The following ALK variants were observed in gnomAD, a reference collection of about 807,000 sequenced individuals.
ALK encodes ALK receptor tyrosine kinase, also known as ALK tyrosine kinase receptor.
Under a neutral mutation model 163.1 loss-of-function variants are expected in ALK, and 74 were observed. The observed-to-expected ratio is 0.45, with a 90% confidence interval of 0.38 to 0.55. The LOEUF (loss-of-function observed/expected upper bound fraction) is 0.55. Among genes scored for constraint, ALK ranks in the 20% least tolerant of loss-of-function variants. ALK has a pLI of 0.00. For synonymous variants in ALK, 960 were observed against 843.2 expected (o/e 1.14, Z -2.40); for missense variants, 2,063 against 2,105.3 (o/e 0.98, Z 0.39).
At chr2:29,331,719 C>T (rs373760717) in intron 5 of ALK, among the ~76,000 whole-genome samples, 107 of 152,104 alleles carry the variant, frequency 7.0e-4, no homozygotes, top group Non-Finnish European at 1.2e-3. Flanking sequence ...GTCGAGAGCA[C>T]CCCAGAAGCA....
intron 3 of ALK, among the ~76,000 whole-genome samples, chr2:29,589,295 C>T (rs921426345): frequency 6.6e-6 from 1 of 152,136 alleles, no homozygotes; most frequent in Non-Finnish European, 1.5e-5. Flanking sequence ...TGCAAGATGA[C>T]TAACAGGTGA....
intron 4 of ALK, among the ~76,000 whole-genome samples, chr2:29,390,263 G>T (rs149820574): frequency 3.3e-5 from 5 of 152,084 alleles, no homozygotes; most frequent in Non-Finnish European, 7.4e-5. Context: ...GGTCATGAGC[G>T]CCAAGTCATT....
intron 4 of ALK, among the ~76,000 whole-genome samples, chr2:29,447,388 G>C (rs1430595869): frequency 2.0e-5 from 3 of 152,204 alleles, no homozygotes; most frequent in East Asian, 1.9e-4. Context: ...CGCAGAACAG[G>C]CCTACTGGCA....
intron 8 of ALK, among the ~76,000 whole-genome samples, chr2:29,297,513 T>C (rs1179226931): frequency 6.6e-6 from 1 of 152,228 alleles, no homozygotes; most frequent in Non-Finnish European, 1.5e-5. Flanking sequence ...TTTTTCTCTC[T>C]TCCCCAAAGA....
intron 3 of ALK, among the ~76,000 whole-genome samples, chr2:29,591,368 A>G (rs1675053081): frequency 6.6e-6 from 1 of 152,200 alleles, no homozygotes; most frequent in African/African-American, 2.4e-5. Context: ...CTTAAAGACT[A>G]CTTGGCTTTT....
intron 3 of ALK, among the ~76,000 whole-genome samples, chr2:29,582,204 CAG>C (rs1371786148): frequency 3.9e-5 from 6 of 152,186 alleles, no homozygotes; most frequent in African/African-American, 1.4e-4. Context: ...GTGACAGAAA[CAG>C]AGCACCATGC....
intron 3 of ALK, among the ~76,000 whole-genome samples, chr2:29,692,037 G>T (rs1678414647): frequency 6.6e-6 from 1 of 152,170 alleles, no homozygotes; most frequent in Non-Finnish European, 1.5e-5. Flanking sequence ...CCTAGGGGTG[G>T]CTGAATGGGA....
intron 4 of ALK, among the ~76,000 whole-genome samples, chr2:29,428,312 C>T (rs1204562854): frequency 1.3e-5 from 2 of 151,750 alleles, no homozygotes; most frequent in Non-Finnish European, 2.9e-5. Context: ...TAGAGAAAAT[C>T]AATAAAACTT....
intron 23 of ALK, 47 bp from the exon 24 acceptor site, chr2:29,214,128 G>C: frequency 1.3e-6 from 2 of 1,525,662 alleles, no homozygotes; most frequent in Non-Finnish European, 1.8e-6. Flanking sequence ...TTGTCAGTGA[G>C]AGGAGGGAAA....
At chr2:29,268,482 C>G (rs1001054199) in intron 11 of ALK, among the ~76,000 whole-genome samples, 1 of 152,126 alleles carries the variant, frequency 6.6e-6, no homozygotes, top group Non-Finnish European at 1.5e-5. Flanking sequence ...TTCAAGAGAA[C>G]ACTTTGGCTC....
At chr2:29,409,504 A>C (rs1198399611) in intron 4 of ALK, among the ~76,000 whole-genome samples, 1 of 152,062 alleles carries the variant, frequency 6.6e-6, no homozygotes, top group Non-Finnish European at 1.5e-5. Flanking sequence ...AGCCCCCTTC[A>C]ATCCATCAGC....
At chr2:29,355,466 A>G (rs1349317848) in intron 5 of ALK, among the ~76,000 whole-genome samples, 1 of 151,882 alleles carries the variant, frequency 6.6e-6, no homozygotes, top group East Asian at 1.9e-4. Flanking sequence ...TAACACACAC[A>G]CCACATACAC....
At chr2:29,367,873 C>T (rs1255548684) in intron 5 of ALK, among the ~76,000 whole-genome samples, 1 of 152,176 alleles carries the variant, frequency 6.6e-6, no homozygotes, top group Non-Finnish European at 1.5e-5. Flanking sequence ...TTAAATGAAT[C>T]TCTGAAATCA....
chr2:29,819,294 A>G (rs2148377353), intron 1 of ALK, among the ~76,000 whole-genome samples: 1 of 152,310 alleles, frequency 6.6e-6, no homozygotes, highest in African/African-American at 2.4e-5. Context: ...AATGCCTAAG[A>G]GCCCAGATTC....
chr2:29,904,690 T>A (rs904048598), intron 1 of ALK, among the ~76,000 whole-genome samples: 2 of 152,228 alleles, frequency 1.3e-5, no homozygotes, highest in Non-Finnish European at 2.9e-5. Flanking sequence ...ACTATTTTCA[T>A]ATTAGCTTAA....
chr2:29,536,969 T>C (rs111421637), intron 3 of ALK, among the ~76,000 whole-genome samples: 1 of 152,230 alleles, frequency 6.6e-6, no homozygotes, highest in African/African-American at 2.4e-5. Context: ...TAGCAGAGTG[T>C]TCATGAGTGG....
In ALK at chr2:29,825,431, G is replaced by A. The variant is rs536300925; in HGVS notation, c.667+94562C>T. On this transcript the variant is annotated intron_variant, in intron 1 of 28. Coordinates refer to ENST00000389048, the MANE Select transcript of ALK (RefSeq NM_004304.5). ...TACAATCAAGGAAGGAGGAAAGGCT[G>A]AGAAGTAAATATATATCACAGTGTA... Among the ~76,000 whole-genome samples the A allele has an allele frequency of 5.3e-5, 8 of 152,306 alleles. No individual in the cohort carries two copies. The East Asian group carries it at 1.5e-3, about 29-fold the overall frequency.
chr2:29,707,181 C>A (rs1305331604), intron 2 of ALK, among the ~76,000 whole-genome samples: 1 of 152,094 alleles, frequency 6.6e-6, no homozygotes, highest in Non-Finnish European at 1.5e-5. Context: ...AATGTGGCAT[C>A]CATGACAACA....
At chr2:29,651,490 G>A (rs1677034390) in intron 3 of ALK, among the ~76,000 whole-genome samples, 1 of 152,124 alleles carries the variant, frequency 6.6e-6, no homozygotes, top group Admixed American at 6.5e-5. Context: ...ATAATTTTCA[G>A]TTTGGGTTTA....
Sources: gnomAD v4.1 joint callset for allele counts (sites outside exome capture counted in the v4.1 genomes callset) on GRCh38, gnomAD v4.1.1 for gene constraint, MANE v1.5 for transcripts, NCBI Gene and HGNC (gene_info 2026-07-23, HGNC 2026-07-21) for gene names.